COL4A4: variants seen among roughly 807,000 people sequenced by gnomAD.
COL4A4 encodes the protein collagen type IV alpha 4 chain.
A neutral mutation model predicts 192.9 loss-of-function variants in COL4A4; 105 were observed. That is an observed-to-expected ratio of 0.54 (90% CI 0.46 to 0.64). The LOEUF (loss-of-function observed/expected upper bound fraction) is 0.64. Among genes scored for constraint, COL4A4 ranks in the 30% least tolerant of loss-of-function variants. The probability of loss-of-function intolerance (pLI) is 0.00; values close to 1 mark genes in which losing one functional copy is unlikely to be tolerated. For missense variants in COL4A4, 1,967 were observed against 2,169.3 expected (o/e 0.91, Z 1.85); for synonymous variants, 762 against 769.9 (o/e 0.99, Z 0.17).
At chr2:227,107,738 C>A (rs999006463) in intron 12 of COL4A4, among the ~76,000 whole-genome samples, 1 of 149,624 alleles carries the variant, frequency 6.7e-6, no homozygotes, top group African/African-American at 2.5e-5. Flanking sequence ...AGGTGAGTTG[C>A]CTTCTTAAAT....
intron 32 of COL4A4, among the ~76,000 whole-genome samples, chr2:227,051,946 T>G (rs1974200484): frequency 1.3e-5 from 2 of 152,130 alleles, no homozygotes; most frequent in African/African-American, 2.4e-5. Flanking sequence ...ATCCAGCATT[T>G]TGGGAGGCCG....
chr2:227,128,697 C>T (rs1428598552), intron 4 of COL4A4, among the ~76,000 whole-genome samples: 1 of 152,138 alleles, frequency 6.6e-6, no homozygotes, highest in African/African-American at 2.4e-5. Flanking sequence ...TCTCATGCTC[C>T]CATCTTACCT....
chr2:226,980,584 C>T, the COL4A4 span, among the ~76,000 whole-genome samples: 1 of 152,216 alleles, frequency 6.6e-6, no homozygotes, highest in African/African-American at 2.4e-5. Flanking sequence ...ATCCTGGATG[C>T]ATCTCATACA....
intron 22 of COL4A4, among the ~76,000 whole-genome samples, chr2:227,083,057 C>T (rs772504321): frequency 1.1e-4 from 17 of 152,150 alleles, no homozygotes; most frequent in Non-Finnish European, 2.1e-4. Context: ...GGTGAAACCC[C>T]GTCCCTACTA....
intron 43 of COL4A4, 148 bp downstream of exon 43, chr2:227,025,654 C>A: frequency 1.4e-6 from 1 of 697,064 alleles, no homozygotes; most frequent in South Asian, 1.9e-5. Context: ...AACGAGGAAG[C>A]AAAACACTGC....
chr2:227,013,837 C>T (rs1964322926), intron 44 of COL4A4, among the ~76,000 whole-genome samples: 1 of 152,156 alleles, frequency 6.6e-6, no homozygotes, highest in Non-Finnish European at 1.5e-5. Flanking sequence ...CTGAGGATGC[C>T]AGTCAACCCA....
chr2:227,107,006 T>A (rs1166008800), intron 12 of COL4A4, among the ~76,000 whole-genome samples: 1 of 152,266 alleles, frequency 6.6e-6, no homozygotes, highest in African/African-American at 2.4e-5. Context: ...TGTGTCTGAT[T>A]GGACTGGCGC....
chr2:226,986,427 G>C, the COL4A4 span, among the ~76,000 whole-genome samples: 12 of 152,200 alleles, frequency 7.9e-5, no homozygotes, highest in African/African-American at 2.9e-4. Context: ...CAGTATCTTT[G>C]CAACTTTTAC....
intron 1 of COL4A4, among the ~76,000 whole-genome samples, chr2:227,162,679 G>A (rs138024389): frequency 1.1e-4 from 17 of 152,258 alleles, no homozygotes; most frequent in East Asian, 7.7e-4. Context: ...CAACATGTGC[G>A]TGAAATTTTC....
At chr2:227,070,419 C>T (rs1214043974) in intron 25 of COL4A4, among the ~76,000 whole-genome samples, 1 of 152,044 alleles carries the variant, frequency 6.6e-6, no homozygotes, top group Non-Finnish European at 1.5e-5. Flanking sequence ...CACATGCACA[C>T]GTATGTTTAT....
chr2:227,144,372 C>G (rs892876199), intron 3 of COL4A4, 144 bp downstream of exon 3: 1 of 689,890 alleles, frequency 1.4e-6, no homozygotes, highest in Non-Finnish European at 2.5e-6. Context: ...TAAAAGAAAT[C>G]TTAGAGTTTA....
chr2:227,136,444 G>A (rs951320952), intron 4 of COL4A4, among the ~76,000 whole-genome samples: 7 of 152,144 alleles, frequency 4.6e-5, no homozygotes, highest in African/African-American at 1.7e-4. Context: ...TGAATGAGTG[G>A]CCCAACTGCT....
At chr2:226,982,186 A>G in the COL4A4 span, among the ~76,000 whole-genome samples, 1 of 152,208 alleles carries the variant, frequency 6.6e-6, no homozygotes, top group Non-Finnish European at 1.5e-5. Context: ...CCCTGCCCCT[A>G]ATGATTTGGT....
At chr2:227,047,697 A>G in intron 34 of COL4A4, 148 bp from the exon 35 acceptor site, 1 of 607,836 alleles carries the variant, frequency 1.6e-6, no homozygotes, top group Non-Finnish European at 3.0e-6. Flanking sequence ...AATAAGAACA[A>G]ATAGAAATAT....
chr2:227,093,304 C>T (rs1184800951), intron 20 of COL4A4, among the ~76,000 whole-genome samples: 1 of 152,022 alleles, frequency 6.6e-6, no homozygotes, highest in Non-Finnish European at 1.5e-5. Context: ...CAAAACAAAA[C>T]AAAACAAAAC....
intron 6 of COL4A4, 48 bp from the exon 7 acceptor site, chr2:227,118,809 T>A: frequency 8.6e-7 from 1 of 1,161,972 alleles, no homozygotes; most frequent in Non-Finnish European, 1.3e-6. Context: ...AAAATATCAT[T>A]ACATAAAGGT....
intron 4 of COL4A4, among the ~76,000 whole-genome samples, chr2:227,122,317 T>G (rs2061843957): frequency 6.6e-6 from 1 of 152,198 alleles, no homozygotes; most frequent in African/African-American, 2.4e-5. Context: ...CTTGCAATAT[T>G]TCATACCTCT....
chr2:227,088,720 A>G lies in COL4A4; in HGVS notation c.1556T>C (p.Leu519Pro). Residue 519 changes from leucine to proline, a missense_variant, in exon 22 of 48, where the codon CTC becomes CCC. Coordinates refer to ENST00000396625, the MANE Select transcript of COL4A4 (RefSeq NM_000092.5). ...ACCTTTTGTTCCAAGCCAGCCAGGG[A>G]GCCCCAAGTCTCCCTTACTCCCCTG... The part of the protein sequence containing the change: ...GRQGSKGDLG[L>P]PGWLGTKGDP... 1.9e-6 allele frequency: 3 copies of G among 1,614,080 alleles called. No individual in the cohort carries two copies. Among genetic ancestry groups the G allele is most frequent in the Non-Finnish European group, 2.5e-6 (3 of 1,180,008 alleles).
the COL4A4 span, among the ~76,000 whole-genome samples, chr2:226,992,242 C>G: frequency 6.6e-6 from 1 of 152,278 alleles, no homozygotes; most frequent in East Asian, 1.9e-4. Context: ...GAGTGTGGCT[C>G]CAACGCAGAG....
Sources: gnomAD v4.1 joint callset for allele counts (sites outside exome capture counted in the v4.1 genomes callset) on GRCh38, gnomAD v4.1.1 for gene constraint, MANE v1.5 for transcripts, NCBI Gene and HGNC (gene_info 2026-07-23, HGNC 2026-07-21) for gene names.